The following ABCA4 variants were observed in gnomAD, a reference collection of about 807,000 sequenced individuals.
ABCA4 encodes the protein ATP binding cassette subfamily A member 4.
A neutral mutation model predicts 263.7 loss-of-function variants in ABCA4; 196 were observed. The ratio of observed to expected loss-of-function variants is 0.74; its 90% CI spans 0.66 to 0.84. The LOEUF (loss-of-function observed/expected upper bound fraction) is 0.84, where lower values mean the gene tolerates loss of function less well. Among genes scored for constraint, ABCA4 ranks in the 40% least tolerant of loss-of-function variants. The probability of loss-of-function intolerance (pLI) is 0.00; values close to 1 mark genes in which losing one functional copy is unlikely to be tolerated. For missense variants in ABCA4, 2,792 were observed against 2,855.1 expected, an observed-to-expected ratio of 0.98 and a Z score of 0.50; for synonymous variants, 1,133 against 1,094.2, an observed-to-expected ratio of 1.04 and a Z score of -0.70.
At chr1:94,019,401 G>C in intron 36 of ABCA4, 181 bp downstream of exon 36, 1 of 697,062 alleles carries the variant, frequency 1.4e-6, no homozygotes, top group Non-Finnish European at 2.4e-6. Flanking sequence ...CGGGCTCCTA[G>C]TTCTGTGCCT....
chr1:94,102,564 G>A (rs549979030), intron 5 of ABCA4, among the ~76,000 whole-genome samples: 2 of 152,148 alleles, frequency 1.3e-5, no homozygotes, highest in African/African-American at 4.8e-5. Context: ...ATCACAGCCA[G>A]AAGTCACACA....
At chr1:94,014,478 G>T in intron 38 of ABCA4, 65 bp downstream of exon 38, 1 of 1,582,038 alleles carries the variant, frequency 6.3e-7, no homozygotes, top group Non-Finnish European at 8.7e-7. Context: ...CCCTGGCTCT[G>T]CTCGACCAAC....
intron 24 of ABCA4, among the ~76,000 whole-genome samples, chr1:94,037,565 C>T (rs995465286): frequency 1.3e-5 from 2 of 151,952 alleles, no homozygotes. Context: ...GAAACGGAAG[C>T]AAAGTCCTCC....
chr1:94,079,928 T>G (rs1164805489), intron 8 of ABCA4, among the ~76,000 whole-genome samples: 1 of 152,088 alleles, frequency 6.6e-6, no homozygotes, highest in Non-Finnish European at 1.5e-5. Context: ...CTTTTCAGTT[T>G]TTAACTAGAG....
intron 11 of ABCA4, among the ~76,000 whole-genome samples, chr1:94,071,958 GAAGA>G (rs1202066501): frequency 6.6e-6 from 1 of 152,192 alleles, no homozygotes. Context: ...TGAATTAATA[GAAGA>G]AAGAAATAGG....
intron 6 of ABCA4, among the ~76,000 whole-genome samples, chr1:94,096,038 C>T (rs529055814): frequency 1.3e-5 from 2 of 152,302 alleles, no homozygotes; most frequent in African/African-American, 2.4e-5. Context: ...CTCCACACCA[C>T]GGTGGTCTCA....
intron 3 of ABCA4, among the ~76,000 whole-genome samples, chr1:94,109,884 A>G (rs3789433): frequency 0.68 from 103,926 of 152,084 alleles, 36,402 homozygotes; most frequent in Non-Finnish European, 0.75. Context: ...ATGTGAGTGC[A>G]AAACATGAAA....
At chr1:94,007,340 C>A (rs1287233686) in intron 43 of ABCA4, among the ~76,000 whole-genome samples, 1 of 152,164 alleles carries the variant, frequency 6.6e-6, no homozygotes, top group African/African-American at 2.4e-5. Context: ...TCATCAGATG[C>A]TTAAAAGGTT....
In ABCA4 at chr1:94,048,935, T is replaced by A; in HGVS notation, c.2676A>T (p.Arg892Ser). 6.2e-7 allele frequency: 1 copy of A among 1,614,066 alleles called. No homozygotes were observed. Among genetic ancestry groups the A allele is most frequent in the Non-Finnish European group, 8.5e-7 (1 of 1,180,006 alleles). The change falls in exon 18 of 50, where the codon AGA becomes AGT. Residue 892 changes from arginine to serine, a missense_variant. By Grantham distance (110) the Arg-to-Ser change is moderately radical. Coordinates refer to ENST00000370225, the MANE Select transcript of ABCA4 (RefSeq NM_000350.3). The part of the protein sequence containing the change: ...GGEGCSTREE[R>S]ALEKTEPLTE... ...TTAGGGGCTCGGTCTTTTCCAGGGCTCTTTCTTCTCTGGTTGAACACCCTG... is the reference window on the plus strand; with the variant it reads ...TTAGGGGCTCGGTCTTTTCCAGGGCACTTTCTTCTCTGGTTGAACACCCTG...
At chr1:94,084,775 G>A (rs1557797651) in intron 6 of ABCA4, among the ~76,000 whole-genome samples, 1 of 152,168 alleles carries the variant, frequency 6.6e-6, no homozygotes, top group Non-Finnish European at 1.5e-5. Context: ...GTCTTGCCGG[G>A]AGTACTCTTC....
intron 1 of ABCA4, among the ~76,000 whole-genome samples, chr1:94,114,438 G>GCACA (rs1203188201): frequency 6.6e-6 from 1 of 151,454 alleles, no homozygotes; most frequent in African/African-American, 2.4e-5. Context: ...GAGGAAGCGC[G>GCACA]CACACACACA....
chr1:94,020,579 A>G (rs1385602046), intron 35 of ABCA4, among the ~76,000 whole-genome samples: 2 of 152,206 alleles, frequency 1.3e-5, no homozygotes, highest in Non-Finnish European at 2.9e-5. Flanking sequence ...GTCCAGAGGA[A>G]GACACCAAGG....
intron 22 of ABCA4, among the ~76,000 whole-genome samples, chr1:94,042,437 C>G (rs905621833): frequency 6.6e-6 from 1 of 152,316 alleles, no homozygotes; most frequent in Admixed American, 6.5e-5. Context: ...GGTATGTTTG[C>G]AGGTGACCTG....
intron 47 of ABCA4, among the ~76,000 whole-genome samples, chr1:93,999,328 A>G (rs78081171): frequency 0.15 from 22,219 of 152,202 alleles, 2,887 homozygotes; most frequent in African/African-American, 0.35. Context: ...TTACAGGTGT[A>G]AGCCACTGCA....
At chr1:94,032,268 T>C (rs1383113254) in intron 26 of ABCA4, among the ~76,000 whole-genome samples, 1 of 152,172 alleles carries the variant, frequency 6.6e-6, no homozygotes, top group Non-Finnish European at 1.5e-5. Flanking sequence ...AAATTCTCTA[T>C]TAACATTAAA....
At chr1:94,115,408 T>G (rs1662732127) in intron 1 of ABCA4, among the ~76,000 whole-genome samples, 1 of 152,182 alleles carries the variant, frequency 6.6e-6, no homozygotes, top group African/African-American at 2.4e-5. Flanking sequence ...ACAACCACTT[T>G]GGGGCTTGCT....
In ABCA4 at chr1:94,048,964, C is replaced by A; in HGVS notation, c.2654-7G>T. On this transcript the variant is annotated splice_polypyrimidine_tract_variant and splice_region_variant and intron_variant, in intron 17 of 49. Coordinates refer to ENST00000370225, the MANE Select transcript of ABCA4 (RefSeq NM_000350.3). ...TCTTCTCTGGTTGAACACCCTGCAC[C>A]AATCAGAAGCCAGTGTTACTCTACC... 1 of 1,613,808 alleles carries A rather than the reference C, an allele frequency of 6.2e-7. No individual in the cohort carries two copies. Among genetic ancestry groups the A allele is most frequent in the Non-Finnish European group, 8.5e-7 (1 of 1,179,860 alleles).
intron 26 of ABCA4, among the ~76,000 whole-genome samples, chr1:94,032,408 G>A (rs1660230096): frequency 6.6e-6 from 1 of 152,124 alleles, no homozygotes; most frequent in African/African-American, 2.4e-5. Context: ...AGGCTGAGGT[G>A]GATGGATCAT....
At chr1:94,075,629 A>G (rs1182962010) in intron 11 of ABCA4, among the ~76,000 whole-genome samples, 1 of 152,130 alleles carries the variant, frequency 6.6e-6, no homozygotes, top group Non-Finnish European at 1.5e-5. Context: ...TATCCTCAGG[A>G]CTCACAAGTC....
Sources: gnomAD v4.1 joint callset for allele counts (sites outside exome capture counted in the v4.1 genomes callset) on GRCh38, gnomAD v4.1.1 for gene constraint, MANE v1.5 for transcripts, NCBI Gene and HGNC (gene_info 2026-07-23, HGNC 2026-07-21) for gene names.